The following GPR89B variants were observed in gnomAD, a reference collection of about 807,000 sequenced individuals.
GPR89B encodes G protein-coupled receptor 89B.
A neutral mutation model predicts 52.4 loss-of-function variants in GPR89B; 25 were observed. The observed-to-expected ratio is 0.48, with a 90% CI of 0.35 to 0.67. The LOEUF is 0.67. Among genes scored for constraint, GPR89B ranks in the 30% least tolerant of loss-of-function variants. GPR89B has a pLI of 0.01. For missense variants in GPR89B, 146 were observed against 450.2 expected (o/e 0.32, Z 6.11); for synonymous variants, 52 against 151.2 (o/e 0.34, Z 4.81).
At chr1:147,975,524 T>G (rs1215868668) in intron 10 of GPR89B, among the ~76,000 whole-genome samples, 8 of 151,856 alleles carry the variant, frequency 5.3e-5, no homozygotes, top group African/African-American at 1.9e-4. Flanking sequence ...CCCTTTATCA[T>G]TTTTTTTGTG....
chr1:147,986,711 T>C (rs1658694647), intron 11 of GPR89B, among the ~76,000 whole-genome samples: 2 of 151,968 alleles, frequency 1.3e-5, no homozygotes, highest in African/African-American at 4.8e-5. Flanking sequence ...TAGCTACTAA[T>C]TAGTGTTCTG....
At chr1:148,023,049 C>T in the GPR89B span, among the ~76,000 whole-genome samples, 2 of 152,012 alleles carry the variant, frequency 1.3e-5, no homozygotes, top group South Asian at 2.1e-4. Context: ...AGGTAGTTCG[C>T]ATAGTACCCA....
the GPR89B span, among the ~76,000 whole-genome samples, chr1:148,002,326 T>C: frequency 5.3e-5 from 8 of 152,140 alleles, no homozygotes; most frequent in African/African-American, 1.4e-4. Flanking sequence ...TCCCACTTCT[T>C]CTACCCTGAA....
chr1:147,963,956 T>C (rs1656833560), intron 7 of GPR89B, among the ~76,000 whole-genome samples: 1 of 152,140 alleles, frequency 6.6e-6, no homozygotes, highest in African/African-American at 2.4e-5. Flanking sequence ...TGATTCTAGT[T>C]ATATATACAT....
chr1:148,001,441 C>CTA, the GPR89B span: 1 of 669,098 alleles, frequency 1.5e-6, no homozygotes, highest in South Asian at 1.7e-5. Flanking sequence ...CCGTTGACAG[C>CTA]AACTACCAGA....
At chr1:147,964,599 T>C (rs1416271944) in intron 7 of GPR89B, among the ~76,000 whole-genome samples, 4 of 152,020 alleles carry the variant, frequency 2.6e-5, no homozygotes, top group South Asian at 4.1e-4. Context: ...TTCTTAAATA[T>C]ATAATCATTT....
chr1:148,019,046 G>A, the GPR89B span, among the ~76,000 whole-genome samples: 11 of 148,248 alleles, frequency 7.4e-5, no homozygotes, highest in African/African-American at 2.5e-4. Flanking sequence ...GCCAGATCTC[G>A]GCTCACTGCA....
intron 10 of GPR89B, among the ~76,000 whole-genome samples, chr1:147,982,702 A>G (rs1188270152): frequency 3.8e-5 from 5 of 133,010 alleles, no homozygotes; most frequent in South Asian, 2.6e-4. Context: ...TGGTAGCTTT[A>G]TAGGGATGGC....
chr1:148,019,371 C>A, the GPR89B span, among the ~76,000 whole-genome samples: 1 of 150,238 alleles, frequency 6.7e-6, no homozygotes, highest in South Asian at 2.1e-4. Context: ...TGCGAGAACA[C>A]ATGGATAAAT....
chr1:147,976,064 A>G (rs1186306902), intron 10 of GPR89B, among the ~76,000 whole-genome samples: 20 of 152,392 alleles, frequency 1.3e-4, no homozygotes, highest in African/African-American at 4.6e-4. Flanking sequence ...GGAGTGTTCT[A>G]CTTCCAATTA....
chr1:148,019,123 C>A, the GPR89B span, among the ~76,000 whole-genome samples: 233 of 151,380 alleles, frequency 1.5e-3, 2 homozygotes, highest in South Asian at 4.6e-3. Flanking sequence ...ACTATAGGCA[C>A]GCGCCACCAT....
chr1:147,940,193 G>A (rs1414080136), intron 3 of GPR89B, among the ~76,000 whole-genome samples: 1 of 151,948 alleles, frequency 6.6e-6, no homozygotes, highest in Non-Finnish European at 1.5e-5. Flanking sequence ...CACGAGGTCA[G>A]GAGATCAAGA....
chr1:147,944,715 AG>A lies in GPR89B; in HGVS notation c.415+618del, dbSNP rs587692221. Among the ~76,000 whole-genome samples, 866 of 128,828 alleles carry A rather than the reference AG, an allele frequency of 6.7e-3. 5 individuals are homozygous for A. Among genetic ancestry groups the A allele is most frequent in the African/African-American group, 0.024 (824 of 33,712 alleles). The allele number at this position is 128,828 out of a possible 152,430, so 84.5% of individuals were successfully genotyped here. ...TTTATTTTAAAACAAGAAATTTGGC[AG>A]AGCCCTAATTTTTAAGCTAAAAACA... is the stretch of plus-strand genomic sequence containing the variant. On this transcript the variant is annotated intron_variant, in intron 5 of 13. Coordinates refer to ENST00000314163, the MANE Select transcript of GPR89B (RefSeq NM_016334.5).
At chr1:148,015,293 A>ATCTCTCCCTCTCTCTC in the GPR89B span, among the ~76,000 whole-genome samples, 1 of 69,860 alleles carries the variant, frequency 1.4e-5, no homozygotes, top group African/African-American at 6.6e-5. Flanking sequence ...GGATTCTAGG[A>ATCTCTCCCTCTCTCTC]TCTCTCTCTC....
intron 7 of GPR89B, among the ~76,000 whole-genome samples, chr1:147,962,953 GAA>G (rs1165697890): frequency 4.5e-5 from 4 of 88,068 alleles, no homozygotes; most frequent in African/African-American, 7.9e-5. Context: ...AAAACTTTCA[GAA>G]AAAAAAAAAA....
chr1:148,017,612 C>A, the GPR89B span, among the ~76,000 whole-genome samples: 2 of 149,742 alleles, frequency 1.3e-5, no homozygotes, highest in African/African-American at 2.5e-5. Flanking sequence ...GTGGCGGGCA[C>A]CTGTAGTCCC....
At chr1:147,987,803 G>A (rs1163184203) in intron 11 of GPR89B, among the ~76,000 whole-genome samples, 2 of 150,636 alleles carry the variant, frequency 1.3e-5, no homozygotes, top group Non-Finnish European at 3.0e-5. Flanking sequence ...AGCAATACAG[G>A]AGGAGAAAAA....
chr1:148,019,095 G>T, the GPR89B span, among the ~76,000 whole-genome samples: 1 of 151,568 alleles, frequency 6.6e-6, no homozygotes, highest in Non-Finnish European at 1.5e-5. Flanking sequence ...TTCTGCCTCA[G>T]CCTCCCGAGT....
the GPR89B span, among the ~76,000 whole-genome samples, chr1:148,022,771 T>G: frequency 7.1e-6 from 1 of 140,082 alleles, no homozygotes; most frequent in African/African-American, 2.7e-5. Flanking sequence ...ATTTCCTTGA[T>G]TTCTGCTCTA....
Sources: gnomAD v4.1 joint callset for allele counts (sites outside exome capture counted in the v4.1 genomes callset) on GRCh38, gnomAD v4.1.1 for gene constraint, MANE v1.5 for transcripts, NCBI Gene and HGNC (gene_info 2026-07-23, HGNC 2026-07-21) for gene names.